SNTB1: variants seen among roughly 807,000 people sequenced by gnomAD.
The protein encoded by SNTB1 is syntrophin beta 1, also known as beta-1-syntrophin.
SNTB1 carries 36 observed loss-of-function variants against 48.9 expected under a neutral mutation model. The observed-to-expected ratio is 0.74, with a 90% confidence interval of 0.56 to 0.97. The LOEUF (loss-of-function observed/expected upper bound fraction) is 0.97, where lower values mean the gene tolerates loss of function less well. Among genes scored for constraint, SNTB1 ranks in the 50% least tolerant of loss-of-function variants. SNTB1 has a pLI of 0.00. For synonymous variants in SNTB1, 299 were observed against 294.6 expected, an observed-to-expected ratio of 1.01 and a Z score of -0.15; for missense variants, 786 against 703.4, an observed-to-expected ratio of 1.12 and a Z score of -1.33.
intron 1 of SNTB1, among the ~76,000 whole-genome samples, chr8:120,789,949 A>G (rs779843349): frequency 2.6e-5 from 4 of 152,074 alleles, no homozygotes; most frequent in African/African-American, 4.8e-5. Flanking sequence ...AGAAAGCTAC[A>G]GACCAATGTA....
intron 1 of SNTB1, among the ~76,000 whole-genome samples, chr8:120,790,765 C>T (rs1162537117): frequency 1.3e-5 from 2 of 151,912 alleles, no homozygotes; most frequent in Non-Finnish European, 2.9e-5. Flanking sequence ...GGAAATACAT[C>T]TTGTGCTCAT....
intron 5 of SNTB1, among the ~76,000 whole-genome samples, chr8:120,543,588 G>C (rs1338132331): frequency 6.6e-6 from 1 of 152,096 alleles, no homozygotes; most frequent in Non-Finnish European, 1.5e-5. Flanking sequence ...TCATGCTCTG[G>C]CACTCAGGAC....
chr8:120,547,683 A>G (rs1025860342), intron 5 of SNTB1, among the ~76,000 whole-genome samples: 6 of 151,966 alleles, frequency 3.9e-5, no homozygotes, highest in African/African-American at 1.4e-4. Flanking sequence ...TCCTTAATAC[A>G]TACTGTACTA....
At chr8:120,767,346 A>G (rs1418400097) in intron 1 of SNTB1, among the ~76,000 whole-genome samples, 2 of 152,226 alleles carry the variant, frequency 1.3e-5, no homozygotes, top group East Asian at 3.8e-4. Context: ...GGGAAGCTGA[A>G]ATAAACTTCT....
At chr8:120,643,254 T>A (rs1171580725) in intron 2 of SNTB1, among the ~76,000 whole-genome samples, 1 of 152,158 alleles carries the variant, frequency 6.6e-6, no homozygotes, top group Non-Finnish European at 1.5e-5. Context: ...ACACACCATG[T>A]TTGTTGTTAT....
At chr8:120,643,931 C>T (rs923305936) in intron 2 of SNTB1, among the ~76,000 whole-genome samples, 70 of 152,096 alleles carry the variant, frequency 4.6e-4, no homozygotes, top group African/African-American at 1.7e-3. Context: ...AAGTGAGTCA[C>T]TAAGTCCAAT....
At chr8:120,653,381 AG>A (rs1817440607) in intron 2 of SNTB1, among the ~76,000 whole-genome samples, 1 of 152,196 alleles carries the variant, frequency 6.6e-6, no homozygotes, top group African/African-American at 2.4e-5. Flanking sequence ...GCTGCAAGAC[AG>A]GGAATGCCAA....
chr8:120,661,684 C>A (rs1347454068), intron 2 of SNTB1, among the ~76,000 whole-genome samples: 1 of 152,110 alleles, frequency 6.6e-6, no homozygotes, highest in Non-Finnish European at 1.5e-5. Flanking sequence ...TATGTGATGT[C>A]CCCCTCCCTG....
chr8:120,559,381 C>T (rs1329187120), intron 4 of SNTB1, among the ~76,000 whole-genome samples: 1 of 152,070 alleles, frequency 6.6e-6, no homozygotes, highest in South Asian at 2.1e-4. Context: ...CAGCATGGAT[C>T]CAATTTGAAG....
At position 120,731,760 on chromosome 8, in the gene SNTB1, G is replaced by A. The variant is rs191216527; in HGVS notation, c.572-37852C>T. Among the ~76,000 whole-genome samples the A allele has an allele frequency of 2.0e-3, 304 of 152,250 alleles. 2 individuals are homozygous for A. The highest frequency in any genetic ancestry group is 7.1e-3 in the African/African-American group (296 of 41,548). On this transcript the variant is annotated intron_variant, in intron 1 of 6. Transcript: ENST00000517992. ...AGTAGCCAAACCTGCAGATGTCTAC[G>A]GCAGAACTCGTTCCTCTCTATCACC... is the stretch of plus-strand genomic sequence containing the variant.
intron 2 of SNTB1, among the ~76,000 whole-genome samples, chr8:120,659,713 A>T (rs548867112): frequency 6.6e-6 from 1 of 152,346 alleles, no homozygotes; most frequent in Admixed American, 6.5e-5. Context: ...TAAGAAATAT[A>T]TCTGCCTGTA....
chr8:120,791,614 C>A (rs1040210807), intron 1 of SNTB1, among the ~76,000 whole-genome samples: 1 of 151,750 alleles, frequency 6.6e-6, no homozygotes, highest in African/African-American at 2.4e-5. Flanking sequence ...CCAAATAATC[C>A]CATTAAAATG....
intron 1 of SNTB1, among the ~76,000 whole-genome samples, chr8:120,781,091 T>C (rs1030244351): frequency 4.6e-5 from 7 of 152,290 alleles, no homozygotes; most frequent in Middle Eastern, 6.8e-3. Context: ...AGAATGAGAC[T>C]CCAAAAGAGG....
chr8:120,690,248 T>C (rs190387136), intron 2 of SNTB1, among the ~76,000 whole-genome samples: 4 of 152,266 alleles, frequency 2.6e-5, no homozygotes, highest in Non-Finnish European at 5.9e-5. Context: ...AACACAGTTA[T>C]AGAGGAGTCA....
chr8:120,759,123 T>C (rs77326256), intron 1 of SNTB1, among the ~76,000 whole-genome samples: 5,802 of 152,170 alleles, frequency 0.038, 375 homozygotes, highest in African/African-American at 0.13. Context: ...CTGTTGTTAA[T>C]AACAACAAGG....
intron 4 of SNTB1, among the ~76,000 whole-genome samples, chr8:120,565,045 T>C (rs1322402349): frequency 6.6e-6 from 1 of 152,218 alleles, no homozygotes; most frequent in Non-Finnish European, 1.5e-5. Context: ...CTTCCATTTA[T>C]TAAGGAGATA....
chr8:120,773,702 C>G (rs1458908943), intron 1 of SNTB1, among the ~76,000 whole-genome samples: 1 of 152,142 alleles, frequency 6.6e-6, no homozygotes, highest in African/African-American at 2.4e-5. Context: ...TTATTGTGTG[C>G]CAAATACAAT....
At chr8:120,799,864 T>G (rs911352156) in intron 1 of SNTB1, among the ~76,000 whole-genome samples, 178 of 152,178 alleles carry the variant, frequency 1.2e-3, no homozygotes, top group African/African-American at 4.2e-3. Flanking sequence ...TCCTAAAAAC[T>G]TGACACCTAC....
rs780926593 is a variant in SNTB1, at chr8:120,811,588, C to G, written c.256G>C (p.Asp86His). The change falls in exon 1 of 7, where the codon GAC becomes CAC. Residue 86 changes from aspartate (D) to histidine (H), a missense_variant. Transcript: ENST00000517992. Reference protein sequence around the residue: ...HPGAGGAQPPDSPAGVRTAFT... With the variant: ...HPGAGGAQPPHSPAGVRTAFT... ...GCGGTGCGGACCCCGGCGGGCGAGTCCGGGGGCTGCGCGCCGCCCGCGCCC... is the reference window on the plus strand; with the variant it reads ...GCGGTGCGGACCCCGGCGGGCGAGTGCGGGGGCTGCGCGCCGCCCGCGCCC... 8 of 1,563,576 alleles carry G rather than the reference C, an allele frequency of 5.1e-6. No individual in the cohort carries two copies. In the African/African-American group the frequency reaches 9.6e-5, roughly 19 times the overall value.
Sources: gnomAD v4.1 joint callset for allele counts (sites outside exome capture counted in the v4.1 genomes callset) on GRCh38, gnomAD v4.1.1 for gene constraint, MANE v1.5 for transcripts, NCBI Gene and HGNC (gene_info 2026-07-23, HGNC 2026-07-21) for gene names.